Variants in NFIC observed in about 807,000 individuals in gnomAD.
NFIC encodes the protein nuclear factor I C.
In NFIC, 12 loss-of-function variants were observed where a neutral mutation model predicts 54.4. The ratio of observed to expected loss-of-function variants is 0.22; its 90% confidence interval spans 0.14 to 0.36. The LOEUF (loss-of-function observed/expected upper bound fraction) is 0.36, where lower values mean the gene tolerates loss of function less well. NFIC is among the 10% of genes least tolerant of loss of function. The pLI is 1.00. For missense variants in NFIC, 575 were observed against 718.2 expected, an observed-to-expected ratio of 0.80 and a Z score of 2.28; for synonymous variants, 322 against 319.2, an observed-to-expected ratio of 1.01 and a Z score of -0.09.
At chr19:3,388,936 C>CG in intron 2 of NFIC, among the ~76,000 whole-genome samples, 2 of 151,790 alleles carry the variant, frequency 1.3e-5, no homozygotes, top group African/African-American at 4.8e-5. Context: ...ACCTAGGAGG[C>CG]GGAGGTTGCA....
chr19:3,433,375 A>C (rs2082151336), intron 3 of NFIC, 143 bp from the exon 4 acceptor site: 3 of 776,378 alleles, frequency 3.9e-6, no homozygotes, highest in Non-Finnish European at 6.4e-6. Context: ...ATCAGACTGG[A>C]GCTGTCATTC....
At position 3,459,675 on chromosome 19, in the gene NFIC, G is replaced by A. The variant is rs977677696; in HGVS notation, c.1509+3040G>A. Among the ~76,000 whole-genome samples the A allele has an allele frequency of 6.6e-6, 1 of 152,244 alleles. No homozygotes were observed. Among genetic ancestry groups the A allele is most frequent in the African/African-American group, 2.4e-5 (1 of 41,474 alleles). Reference sequence around the variant, plus strand: ...GGCAGGAAGGGGAGGGGAGGGAAGGGAGGAGGGAGGAAGGGCTGAGGGGAG... The same window carrying A: ...GGCAGGAAGGGGAGGGGAGGGAAGGAAGGAGGGAGGAAGGGCTGAGGGGAG... On this transcript the variant is annotated intron_variant, in intron 10 of 10. Coordinates refer to ENST00000443272, the MANE Select transcript of NFIC (RefSeq NM_001245002.2). The surrounding 1 kb of genome is among the most constrained non-coding windows in gnomAD (Gnocchi z 4.2).
intron 1 of NFIC, among the ~76,000 whole-genome samples, chr19:3,360,736 C>T (rs567810189): frequency 1.8e-4 from 27 of 152,340 alleles, no homozygotes; most frequent in African/African-American, 6.0e-4. Context: ...CGACTGTGCG[C>T]GCGTCCCTGC....
chr19:3,368,642 A>G (rs1383730171), intron 1 of NFIC, among the ~76,000 whole-genome samples: 1 of 151,634 alleles, frequency 6.6e-6, no homozygotes, highest in African/African-American at 2.4e-5. Flanking sequence ...CCCGCCCTCC[A>G]CCCCAGCCCT....
Position 3,393,982 on chromosome 19 carries a change from G to A in NFIC, c.562+11739G>A, listed in dbSNP as rs559632638. Among the ~76,000 whole-genome samples the A allele has an allele frequency of 1.6e-3, 233 of 150,304 alleles. 1 individual carries two copies. The highest frequency in any genetic ancestry group is 4.9e-3 in the African/African-American group (202 of 40,838). ...CCTTGAGACAGAGTCTCGCTCTGTC[G>A]CCCAGGCTGGAGTGCAGCGGTGCAA... is the stretch of plus-strand genomic sequence containing the variant. On this transcript the variant is annotated intron_variant, in intron 2 of 10. Transcript: ENST00000443272.
At chr19:3,394,900 C>T (rs963407892) in intron 2 of NFIC, among the ~76,000 whole-genome samples, 3 of 152,226 alleles carry the variant, frequency 2.0e-5, no homozygotes, top group South Asian at 4.1e-4. Flanking sequence ...ACCATCTCCC[C>T]ACTCACCCCG....
At chr19:3,362,017 C>T (rs1244264272), upstream of NFIC, among the ~76,000 whole-genome samples, 1 of 152,204 alleles carries the variant, frequency 6.6e-6, no homozygotes, top group Admixed American at 6.5e-5. Flanking sequence ...ACACAAACAC[C>T]GCACTTGCGG....
At chr19:3,423,978 G>A (rs2081990612) in intron 2 of NFIC, among the ~76,000 whole-genome samples, 1 of 152,106 alleles carries the variant, frequency 6.6e-6, no homozygotes, top group African/African-American at 2.4e-5. Context: ...GGCTAAGGCG[G>A]GGCTGAATGA....
chr19:3,379,418 G>A (rs1195557904), intron 1 of NFIC, among the ~76,000 whole-genome samples: 1 of 151,034 alleles, frequency 6.6e-6, no homozygotes, highest in Non-Finnish European at 1.5e-5. Context: ...GTAGTGGCGA[G>A]CTCTCGGCTC....
At chr19:3,433,638 G>T (rs762014040) in intron 4 of NFIC, 46 bp downstream of exon 4, 2 of 1,595,688 alleles carry the variant, frequency 1.3e-6, no homozygotes, top group Non-Finnish European at 1.7e-6. Flanking sequence ...AGAGGGGAGG[G>T]GGCCGCAGGG....
At chr19:3,392,147 C>T (rs1000284107) in intron 2 of NFIC, among the ~76,000 whole-genome samples, 1 of 146,330 alleles carries the variant, frequency 6.8e-6, no homozygotes, top group Non-Finnish European at 1.5e-5. Flanking sequence ...TCGTGGCTCA[C>T]TGCAACCTCC....
intron 3 of NFIC, among the ~76,000 whole-genome samples, chr19:3,425,989 C>T (rs1028952933): frequency 3.2e-5 from 4 of 125,388 alleles, no homozygotes; most frequent in Non-Finnish European, 4.7e-5. Flanking sequence ...GGCTAGAGTG[C>T]AGTGGCGCGA....
At chr19:3,371,880 T>C (rs543389229) in intron 1 of NFIC, among the ~76,000 whole-genome samples, 2 of 124,150 alleles carry the variant, frequency 1.6e-5, no homozygotes, top group East Asian at 2.3e-4. Context: ...TTTCTTTCTC[T>C]CTCCTTCCTT....
intron 1 of NFIC, among the ~76,000 whole-genome samples, chr19:3,371,881 CTCCTTCCTTCCTTCCTTCCTTCCT>C (rs758286013): frequency 3.2e-4 from 32 of 99,914 alleles, no homozygotes; most frequent in African/African-American, 7.3e-4. Context: ...TTCTTTCTCT[CTCCTTCCTTCCTTCCTTCCTTCCT>C]TCCTTCCTTC....
At chr19:3,454,840 C>T (rs1163994239) in intron 9 of NFIC, among the ~76,000 whole-genome samples, 4 of 152,044 alleles carry the variant, frequency 2.6e-5, no homozygotes, top group Non-Finnish European at 5.9e-5. Context: ...CCTGCCCCGG[C>T]GTTCCTGTCC....
At chr19:3,398,859 C>T (rs796333888) in intron 2 of NFIC, among the ~76,000 whole-genome samples, 3 of 152,234 alleles carry the variant, frequency 2.0e-5, no homozygotes, top group South Asian at 4.1e-4. Flanking sequence ...GCGTCCCCCG[C>T]GGCTCCCTCC....
At chr19:3,417,136 T>G (rs12980202) in intron 2 of NFIC, among the ~76,000 whole-genome samples, 3,820 of 150,196 alleles carry the variant, frequency 0.025, 71 homozygotes, top group Non-Finnish European at 0.04. Context: ...CCGCCCGCCT[T>G]GGCCTCCCAA....
In NFIC at chr19:3,467,313, G is replaced by T. The variant is rs1009564652; in HGVS notation, c.*4544G>T. The stretch of plus-strand genomic sequence containing the variant: ...TGCAAATTGTCCCCATTCCGTGGGG[G>T]CACCTGACAATGACCCGGGTGGAGA... On this transcript the variant is annotated 3_prime_UTR_variant, in exon 11 of 11. Transcript: ENST00000443272. 1 of 150,082 alleles carries T rather than the reference G, an allele frequency of 6.7e-6. No individual in the cohort carries two copies. The highest frequency in any genetic ancestry group is 2.5e-5 in the African/African-American group (1 of 40,598). 9.3% of individuals were successfully genotyped at this position (150,082 alleles called of 1,614,324 possible).
chr19:3,409,506 C>T (rs1205939567), intron 2 of NFIC, among the ~76,000 whole-genome samples: 3 of 152,140 alleles, frequency 2.0e-5, no homozygotes, highest in African/African-American at 7.2e-5. Context: ...TCTCTGCCAT[C>T]CCCCCAAGGC....
Sources: allele counts gnomAD v4.1 joint callset (sites outside exome capture counted in the v4.1 genomes callset), GRCh38; gene constraint gnomAD v4.1.1; non-coding constraint Gnocchi (gnomAD v3.1); transcripts MANE v1.5; gene names NCBI Gene and HGNC (gene_info 2026-07-23, HGNC 2026-07-21).